SLC7A14: variants seen among roughly 807,000 people sequenced by gnomAD.
SLC7A14 encodes the protein gamma-aminobutyric acid transporter SLC7A14.
Under a neutral mutation model 60.2 loss-of-function variants are expected in SLC7A14, and 37 were observed. The observed-to-expected ratio is 0.61, with a 90% CI of 0.47 to 0.81. The LOEUF (loss-of-function observed/expected upper bound fraction) is 0.81. Ranked by LOEUF, SLC7A14 falls within the 30% of genes least tolerant of loss-of-function variation. The pLI is 0.00. For missense variants in SLC7A14, 886 were observed against 982.7 expected, an observed-to-expected ratio of 0.90 and a Z score of 1.32; for synonymous variants, 399 against 395.8, an observed-to-expected ratio of 1.01 and a Z score of -0.10.
chr3:170,493,260 C>T (rs369017640), intron 4 of SLC7A14, among the ~76,000 whole-genome samples: 5 of 152,212 alleles, frequency 3.3e-5, no homozygotes, highest in African/African-American at 1.2e-4. Flanking sequence ...TTCAAGACCA[C>T]AGAAGCATTT....
Position 170,585,595 on chromosome 3 carries a change from G to T in SLC7A14, c.-153+316C>A, listed in dbSNP as rs1259340497. 6.6e-6 allele frequency among the ~76,000 whole-genome samples: 1 copy of T among 152,132 alleles called. No individual in the cohort carries two copies. The highest frequency in any genetic ancestry group is 1.5e-5 in the Non-Finnish European group (1 of 68,024). ...CCCTTCTGCCTCCCGCTCTAGCGGCGCCGGAGCCGCGCTGGCCCCCGCCCC... is the reference window on the plus strand; with the variant it reads ...CCCTTCTGCCTCCCGCTCTAGCGGCTCCGGAGCCGCGCTGGCCCCCGCCCC... On this transcript the variant is annotated intron_variant, in intron 1 of 7. Transcript: ENST00000231706. This position sits in a 1 kb window ranked among gnomAD's most constrained non-coding sequence, Gnocchi z 5.1.
rs1212121861 is a variant in SLC7A14, at chr3:170,537,990, C to G, written c.-152-10902G>C. ...CAGGATTTGAGGGAAGAAAGATGAC[C>G]TAATCTTGAAAGTCTTCCTAGAGAT... On this transcript the variant is annotated intron_variant, in intron 1 of 7. Coordinates refer to ENST00000231706, the MANE Select transcript of SLC7A14 (RefSeq NM_020949.3). Among the ~76,000 whole-genome samples, 3 of 152,152 alleles carry G rather than the reference C, an allele frequency of 2.0e-5. No individual in the cohort carries two copies. The South Asian group carries it at 6.2e-4, about 32-fold the overall frequency.
intron 3 of SLC7A14, among the ~76,000 whole-genome samples, chr3:170,500,023 AT>A (rs1250300821): frequency 6.6e-6 from 1 of 152,208 alleles, no homozygotes; most frequent in African/African-American, 2.4e-5. Context: ...TTCTTTTGAT[AT>A]AGGAATATCG....
intron 1 of SLC7A14, among the ~76,000 whole-genome samples, chr3:170,561,313 C>G (rs1329880820): frequency 2.0e-5 from 3 of 152,214 alleles, no homozygotes; most frequent in African/African-American, 7.2e-5. Flanking sequence ...ACTCCTCAGT[C>G]TGGGCAATTG....
intron 5 of SLC7A14, 58 bp downstream of exon 5, chr3:170,486,164 G>A: frequency 6.3e-7 from 1 of 1,596,740 alleles, no homozygotes; most frequent in African/African-American, 1.3e-5. Flanking sequence ...TGACAGAGAA[G>A]GGAGCTCAGT....
At chr3:170,531,306 G>A (rs1174642693) in intron 1 of SLC7A14, among the ~76,000 whole-genome samples, 1 of 152,058 alleles carries the variant, frequency 6.6e-6, no homozygotes, top group Non-Finnish European at 1.5e-5. Flanking sequence ...CAATGACTAT[G>A]GAGGCGGCAC....
At chr3:170,467,530 G>C (rs1217299979) in intron 7 of SLC7A14, 153 bp from the exon 8 acceptor site, 4 of 586,598 alleles carry the variant, frequency 6.8e-6, no homozygotes, top group Non-Finnish European at 1.1e-5. Context: ...GTGGTGTTTT[G>C]AAAATACTTG....
chr3:170,570,991 CT>C, intron 1 of SLC7A14, among the ~76,000 whole-genome samples: 1 of 152,202 alleles, frequency 6.6e-6, no homozygotes, highest in Non-Finnish European at 1.5e-5. Context: ...CTCACCCCTT[CT>C]TTTATTGTTG....
At chr3:170,579,221 C>T (rs1167979295) in intron 1 of SLC7A14, among the ~76,000 whole-genome samples, 2 of 152,196 alleles carry the variant, frequency 1.3e-5, no homozygotes, top group African/African-American at 4.8e-5. Context: ...CCTCTGACAT[C>T]AACTCAGGTG....
chr3:170,515,231 G>T (rs1426210039), intron 2 of SLC7A14, among the ~76,000 whole-genome samples: 1 of 151,642 alleles, frequency 6.6e-6, no homozygotes, highest in African/African-American at 2.4e-5. Context: ...GAGAATCACT[G>T]GAACCTGGGA....
intron 5 of SLC7A14, among the ~76,000 whole-genome samples, chr3:170,485,876 G>A (rs546063478): frequency 6.6e-6 from 1 of 152,300 alleles, no homozygotes; most frequent in South Asian, 2.1e-4. Flanking sequence ...GGCCCACAAT[G>A]CCTTTGCTTG....
chr3:170,537,727 A>G (rs551876691), intron 1 of SLC7A14, among the ~76,000 whole-genome samples: 2 of 152,368 alleles, frequency 1.3e-5, no homozygotes, highest in African/African-American at 4.8e-5. Context: ...TCAGAGGAGC[A>G]GCTTCAGAGC....
In SLC7A14 at chr3:170,460,491, G is replaced by A. The variant is rs1005917275; in HGVS notation, c.*6564C>T. ...TTTATGATTTCTAGGGTAAATCCTC[G>A]CCTTTGGGAGTGTGAATGAGACAAG... On this transcript the variant is annotated 3_prime_UTR_variant, in exon 8 of 8. Transcript: ENST00000231706. The A allele has an allele frequency of 3.3e-5, 5 of 152,130 alleles. No individual in the cohort carries two copies. The highest frequency in any genetic ancestry group is 7.3e-5 in the Non-Finnish European group (5 of 68,036). 9.4% of individuals were successfully genotyped at this position (152,130 alleles called of 1,614,324 possible). A position where few individuals can be genotyped will look rare whatever the true frequency, so the allele number is the denominator to read the frequency against.
At position 170,464,273 on chromosome 3, in the gene SLC7A14, A is replaced by G. The variant is rs1231282868; in HGVS notation, c.*2782T>C. The G allele has an allele frequency of 1.3e-5, 2 of 152,198 alleles. No individual in the cohort carries two copies. The highest frequency in any genetic ancestry group is 6.5e-5 in the Admixed American group (1 of 15,272). The allele number at this position is 152,198 out of a possible 1,614,324, so 9.4% of individuals were successfully genotyped here. A position where few individuals can be genotyped will look rare whatever the true frequency, so the allele number is the denominator to read the frequency against. ...CCACAAATCCACACAATGAAATCTC[A>G]CTCGGAGAGCTTTTGCTATTCAGAA... On this transcript the variant is annotated 3_prime_UTR_variant, in exon 8 of 8. Transcript: ENST00000231706.
intron 1 of SLC7A14, among the ~76,000 whole-genome samples, chr3:170,578,355 A>C (rs968450486): frequency 6.6e-6 from 1 of 152,064 alleles, no homozygotes; most frequent in African/African-American, 2.4e-5. Context: ...CTGAAGTTCT[A>C]TTCACCATCT....
chr3:170,489,357 T>C (rs908885536), intron 4 of SLC7A14, among the ~76,000 whole-genome samples: 1 of 152,092 alleles, frequency 6.6e-6, no homozygotes, highest in African/African-American at 2.4e-5. Context: ...GCATTGATAA[T>C]CAGATAAATG....
At chr3:170,481,385 ATTTCTTTT>A (rs1256784221) in intron 6 of SLC7A14, among the ~76,000 whole-genome samples, 344 of 121,430 alleles carry the variant, frequency 2.8e-3, no homozygotes, top group African/African-American at 0.01. Flanking sequence ...TAAATCTTTG[ATTTCTTTT>A]TTTTTTTTTT....
At position 170,496,332 on chromosome 3, in the gene SLC7A14, C is replaced by T. The variant is rs572164389; in HGVS notation, c.759+2335G>A. The T allele has an allele frequency of 6.5e-4, 708 of 1,090,098 alleles. 1 individual carries two copies. The highest frequency in any genetic ancestry group is 1.4e-3 in the Middle Eastern group (5 of 3,576). The allele number at this position is 1,090,098 out of a possible 1,614,324, so 67.5% of individuals were successfully genotyped here. On this transcript the variant is annotated intron_variant, in intron 4 of 7. Transcript: ENST00000231706. Reference sequence around the variant, plus strand: ...GGCTGGCAAGCACGGGGATGACCTGCGGTGTACAAAGACTTAGATCTCCGA... The same window carrying T: ...GGCTGGCAAGCACGGGGATGACCTGTGGTGTACAAAGACTTAGATCTCCGA...
rs146603871 is a variant in SLC7A14 at position 170,467,229 on chromosome 3, G to A, written c.2142C>T (p.Gly714=). ...VEEGFSYATE[G]ESQEDWGGPT... is the part of the protein sequence containing the mutation. Reference sequence around the variant, plus strand: ...GCCCGCCCCAGTCCTCCTGGCTCTCGCCCTCTGTGGCGTAGGAGAAACCCT... The same window carrying A: ...GCCCGCCCCAGTCCTCCTGGCTCTCACCCTCTGTGGCGTAGGAGAAACCCT... Residue 714 remains glycine, a synonymous_variant, in exon 8 of 8, where the codon GGC becomes GGT. Transcript: ENST00000231706. 1.5e-4 allele frequency: 235 copies of A among 1,614,094 alleles called. No homozygotes were observed. Among genetic ancestry groups the A allele is most frequent in the African/African-American group, 7.2e-4 (54 of 74,934 alleles).
Sources: gnomAD v4.1 joint callset for allele counts (sites outside exome capture counted in the v4.1 genomes callset) on GRCh38, gnomAD v4.1.1 for gene constraint, Gnocchi (gnomAD v3.1) non-coding constraint, MANE v1.5 for transcripts, NCBI Gene and HGNC (gene_info 2026-07-23, HGNC 2026-07-21) for gene names.